DOK6: variants seen among roughly 807,000 people sequenced by gnomAD.
The protein encoded by DOK6 is downstream of tyrosine kinase 6.
A neutral mutation model predicts 44.0 loss-of-function variants in DOK6; 22 were observed. The ratio of observed to expected loss-of-function variants is 0.50; its 90% CI spans 0.36 to 0.71. The LOEUF is 0.71. DOK6 is among the 30% of genes least tolerant of loss of function. DOK6 has a pLI of 0.00. For missense variants in DOK6, 340 were observed against 416.4 expected, an observed-to-expected ratio of 0.82 and a Z score of 1.60; for synonymous variants, 166 against 145.5, an observed-to-expected ratio of 1.14 and a Z score of -1.01.
At chr18:69,649,177 T>C (rs563685911) in intron 3 of DOK6, among the ~76,000 whole-genome samples, 1 of 152,320 alleles carries the variant, frequency 6.6e-6, no homozygotes, top group Admixed American at 6.5e-5. Context: ...TTCCAATACC[T>C]ATCACTAATC....
At chr18:69,699,803 C>T (rs1307159946) in intron 5 of DOK6, among the ~76,000 whole-genome samples, 1 of 152,064 alleles carries the variant, frequency 6.6e-6, no homozygotes, top group South Asian at 2.1e-4. Flanking sequence ...CTATGATGCA[C>T]CTTATTTTTT....
chr18:69,663,569 C>T (rs2144674012), intron 3 of DOK6, among the ~76,000 whole-genome samples: 1 of 152,228 alleles, frequency 6.6e-6, no homozygotes, highest in South Asian at 2.1e-4. Flanking sequence ...CATTGGAGAA[C>T]ACTGTTAATT....
chr18:69,601,107 C>T (rs78510124), intron 3 of DOK6, among the ~76,000 whole-genome samples: 3,820 of 152,246 alleles, frequency 0.025, 53 homozygotes, highest in South Asian at 0.046. Context: ...TTTCAAATTT[C>T]TATATTCTTG....
intron 7 of DOK6, among the ~76,000 whole-genome samples, chr18:69,794,320 C>T (rs188353255): frequency 2.0e-5 from 3 of 152,306 alleles, no homozygotes; most frequent in African/African-American, 7.2e-5. Context: ...GGTAAGCACC[C>T]TGCCAGAGGT....
chr18:69,745,872 A>G (rs1459506167), intron 6 of DOK6, among the ~76,000 whole-genome samples: 1 of 152,236 alleles, frequency 6.6e-6, no homozygotes, highest in African/African-American at 2.4e-5. Context: ...TGTTTTAACC[A>G]TCACTAAAAA....
rs370919073 is a variant in DOK6, at chr18:69,685,437, G to A, written c.409+7584G>A. ...GGATAATGATAGTCCTTATTTCAGA[G>A]GATTGTTGTGAGGACTAAATAAGAT... On this transcript the variant is annotated intron_variant, in intron 4 of 7. Transcript: ENST00000382713. 9.9e-5 allele frequency among the ~76,000 whole-genome samples: 15 copies of A among 152,272 alleles called. No individual in the cohort carries two copies. In the East Asian group the frequency reaches 2.3e-3, roughly 24 times the overall value.
At chr18:69,785,023 T>C (rs1158981655) in intron 7 of DOK6, among the ~76,000 whole-genome samples, 1 of 152,208 alleles carries the variant, frequency 6.6e-6, no homozygotes, top group Non-Finnish European at 1.5e-5. Flanking sequence ...ATAATTAAAG[T>C]ACACTCAGTG....
intron 7 of DOK6, among the ~76,000 whole-genome samples, chr18:69,780,624 C>T (rs1980235515): frequency 6.6e-6 from 1 of 152,148 alleles, no homozygotes; most frequent in Non-Finnish European, 1.5e-5. Context: ...AACATTGAAA[C>T]ATTGAACATT....
At chr18:69,821,155 G>A (rs1388293363) in intron 7 of DOK6, among the ~76,000 whole-genome samples, 1 of 151,942 alleles carries the variant, frequency 6.6e-6, no homozygotes, top group Non-Finnish European at 1.5e-5. Flanking sequence ...TATATATATT[G>A]GTTAAAATGG....
chr18:69,455,200 A>G (rs1019208511), intron 1 of DOK6, among the ~76,000 whole-genome samples: 2 of 151,818 alleles, frequency 1.3e-5, no homozygotes. Context: ...AAAGGAAAAA[A>G]AAAAGAAAAA....
intron 1 of DOK6, among the ~76,000 whole-genome samples, chr18:69,468,412 T>C (rs1366927854): frequency 1.3e-5 from 2 of 152,326 alleles, no homozygotes; most frequent in East Asian, 3.9e-4. Context: ...AACTATTATG[T>C]ACCCCTATAA....
rs1986426523 is a variant in DOK6 at position 69,698,031 on chromosome 18, G to A, written c.410-373G>A. On this transcript the variant is annotated intron_variant, in intron 4 of 7. Coordinates refer to ENST00000382713, the MANE Select transcript of DOK6 (RefSeq NM_152721.6). The stretch of plus-strand genomic sequence containing the variant: ...GAGAGCAAATAAGACATCCCTCGCT[G>A]GAATCGTATCTGTGATATCCACTTA... 2.0e-5 allele frequency among the ~76,000 whole-genome samples: 3 copies of A among 152,178 alleles called. No individual in the cohort carries two copies. In the South Asian group the frequency reaches 6.2e-4, roughly 31 times the overall value.
intron 1 of DOK6, among the ~76,000 whole-genome samples, chr18:69,489,420 T>A (rs1980674107): frequency 6.6e-6 from 1 of 152,158 alleles, no homozygotes. Flanking sequence ...GTTTCCATAG[T>A]GCTGTGTACT....
chr18:69,591,619 G>A (rs1983624246), intron 2 of DOK6, among the ~76,000 whole-genome samples: 1 of 151,974 alleles, frequency 6.6e-6, no homozygotes, highest in Admixed American at 6.6e-5. Flanking sequence ...TTAAAAATAT[G>A]TATAATAAAA....
At chr18:69,404,352 T>C (rs1399536048) in intron 1 of DOK6, among the ~76,000 whole-genome samples, 1 of 152,124 alleles carries the variant, frequency 6.6e-6, no homozygotes, top group Non-Finnish European at 1.5e-5. Flanking sequence ...ACCCACTGCT[T>C]GGGAAAGAAG....
intron 7 of DOK6, among the ~76,000 whole-genome samples, chr18:69,824,468 T>A (rs116322677): frequency 0.02 from 2,666 of 133,178 alleles, 74 homozygotes; most frequent in African/African-American, 0.069. Context: ...GCTCAAGCAA[T>A]CCTCCTGCCT....
intron 4 of DOK6, among the ~76,000 whole-genome samples, chr18:69,697,723 G>A (rs1172560245): frequency 6.6e-6 from 1 of 152,116 alleles, no homozygotes; most frequent in African/African-American, 2.4e-5. Flanking sequence ...TACAAAGTAA[G>A]GTTTGGAATC....
intron 1 of DOK6, among the ~76,000 whole-genome samples, chr18:69,466,588 A>C (rs141592139): frequency 1.6e-4 from 24 of 152,306 alleles, no homozygotes; most frequent in African/African-American, 5.3e-4. Context: ...AGGAACATTC[A>C]AACTGTTAAA....
chr18:69,606,273 AAAATAAATAAATAAATAAATAAAT>A (rs139420505), intron 3 of DOK6, among the ~76,000 whole-genome samples: 2,249 of 142,722 alleles, frequency 0.016, 55 homozygotes, highest in African/African-American at 0.055. Flanking sequence ...ACTCCATCTC[AAAATAAATAAATAAATAAATAAAT>A]AAATAAATAA....
Sources: allele counts gnomAD v4.1 joint callset (sites outside exome capture counted in the v4.1 genomes callset), GRCh38; gene constraint gnomAD v4.1.1; transcripts MANE v1.5; gene names NCBI Gene and HGNC (gene_info 2026-07-23, HGNC 2026-07-21).